Variants in TSC1 observed in about 807,000 individuals in gnomAD.
TSC1 encodes the protein TSC complex subunit 1, also known as hamartin.
In TSC1, 20 loss-of-function variants were observed where a neutral mutation model predicts 124.3. The observed-to-expected ratio is 0.16, with a 90% CI of 0.11 to 0.23. The LOEUF is 0.23. TSC1 is among the 10% of genes least tolerant of loss of function. TSC1 has a pLI of 1.00. For missense variants in TSC1, 1,124 were observed against 1,448.5 expected (o/e 0.78, Z 3.64); for synonymous variants, 493 against 539.1 (o/e 0.91, Z 1.19).
chr9:132,921,891 G>A lies in TSC1; in HGVS notation c.591C>T (p.Cys197=), dbSNP rs1588347154. The A allele has an allele frequency of 6.2e-7, 1 of 1,614,184 alleles. No homozygotes were observed. The highest frequency in any genetic ancestry group is 8.5e-7 in the Non-Finnish European group (1 of 1,180,030). The change falls in exon 7 of 23, where the codon TGC becomes TGT. Residue 197 remains cysteine (C), a synonymous_variant. Transcript: ENST00000298552. This position sits in a 1 kb window ranked among gnomAD's most constrained non-coding sequence, Gnocchi z 4.3. ...GAGAACGCAAAAAGGAGACGAAGTT[G>A]CAAGGGTACATTCCATAAAGGCGAT... is the stretch of plus-strand genomic sequence containing the variant. The part of the protein sequence containing the change: ...LFHRLYGMYP[C]NFVSFLRSHY...
rs1020289090 is a variant in TSC1, at chr9:132,944,592, C to T, written c.-193G>A. The T allele has an allele frequency of 5.0e-6, 2 of 398,960 alleles. No individual in the cohort carries two copies. Among genetic ancestry groups the T allele is most frequent in the Non-Finnish European group, 8.8e-6 (2 of 226,334 alleles). The allele number at this position is 398,960 out of a possible 1,614,324, so 24.7% of individuals were successfully genotyped here. A position where few individuals can be genotyped will look rare whatever the true frequency, so the allele number is the denominator to read the frequency against. On this transcript the variant is annotated 5_prime_UTR_variant, in exon 1 of 23. Coordinates refer to ENST00000298552, the MANE Select transcript of TSC1 (RefSeq NM_000368.5). Reference sequence around the variant, plus strand: ...TTTACCTCACAGTCCCTCCAGCCTACAGGGCGCCGCCATCTTGGACGTACA... The same window carrying T: ...TTTACCTCACAGTCCCTCCAGCCTATAGGGCGCCGCCATCTTGGACGTACA...
At position 132,895,584 on chromosome 9, in the gene TSC1, G is replaced by C. The variant is rs369911288; in HGVS notation, c.*651C>G. On this transcript the variant is annotated 3_prime_UTR_variant, in exon 23 of 23. Coordinates refer to ENST00000298552, the MANE Select transcript of TSC1 (RefSeq NM_000368.5). Reference sequence around the variant, plus strand: ...TCCACAGTGCCAGCTCCAGATTTCTGAAACAGGCTTCTGTTTACACAGAAC... The same window carrying C: ...TCCACAGTGCCAGCTCCAGATTTCTCAAACAGGCTTCTGTTTACACAGAAC... 12 of 234,586 alleles carry C rather than the reference G, an allele frequency of 5.1e-5. No individual in the cohort carries two copies. The South Asian group carries it at 9.0e-4, about 18-fold the overall frequency. 14.5% of individuals were successfully genotyped at this position (234,586 alleles called of 1,614,324 possible). A position where few individuals can be genotyped will look rare whatever the true frequency, so the allele number is the denominator to read the frequency against.
chr9:132,939,723 A>C (rs189844046), intron 1 of TSC1, among the ~76,000 whole-genome samples: 1 of 152,242 alleles, frequency 6.6e-6, no homozygotes, highest in African/African-American at 2.4e-5. Context: ...AAACTGTGAG[A>C]TATCTTTAGG....
chr9:132,935,861 T>TA (rs1847431777), intron 1 of TSC1, among the ~76,000 whole-genome samples: 1 of 152,224 alleles, frequency 6.6e-6, no homozygotes. Flanking sequence ...GAAGACCTCC[T>TA]AGGCCTCTAC....
In TSC1 at chr9:132,894,295, G is replaced by A. The variant is rs892490854; in HGVS notation, c.*1940C>T. On this transcript the variant is annotated 3_prime_UTR_variant, in exon 23 of 23. Transcript: ENST00000298552. ...AAAGGCTTTAAGTGCCTGGTATCTTGTTCTATGGCACAGATCTCTTGGGCA... is the reference window on the plus strand; with the variant it reads ...AAAGGCTTTAAGTGCCTGGTATCTTATTCTATGGCACAGATCTCTTGGGCA... The A allele has an allele frequency of 8.7e-6, 2 of 231,208 alleles. No homozygotes were observed. The highest frequency in any genetic ancestry group is 1.1e-4 in the Admixed American group (2 of 17,720). The allele number at this position is 231,208 out of a possible 1,614,324, so 14.3% of individuals were successfully genotyped here. A position where few individuals can be genotyped will look rare whatever the true frequency, so the allele number is the denominator to read the frequency against.
Position 132,923,922 on chromosome 9 carries a change from A to C in TSC1, c.364-430T>G, listed in dbSNP as rs1219597382. On this transcript the variant is annotated intron_variant, in intron 5 of 22. Transcript: ENST00000298552. The surrounding 1 kb of genome is among the most constrained non-coding windows in gnomAD (Gnocchi z 4.2). ...TTACTTTTTGTTAATTAAAAAAAAA[A>C]AAAACTGCACATTGACAAGTAACTT... Among the ~76,000 whole-genome samples, 1 of 152,160 alleles carries C rather than the reference A, an allele frequency of 6.6e-6. No homozygotes were observed. The highest frequency in any genetic ancestry group is 1.5e-5 in the Non-Finnish European group (1 of 68,022).
intron 8 of TSC1, 80 bp from the exon 9 acceptor site, chr9:132,912,537 G>C: frequency 4.6e-6 from 7 of 1,536,538 alleles, no homozygotes; most frequent in Non-Finnish European, 6.3e-6. Context: ...CTCAGTGCCA[G>C]CCACGGAACT....
rs2131871017 is a variant in TSC1, at chr9:132,906,878, T to A, written c.1334-43A>T. On this transcript the variant is annotated intron_variant, in intron 13 of 22. Transcript: ENST00000298552. The surrounding 1 kb of genome is among the most constrained non-coding windows in gnomAD (Gnocchi z 4.1). ...CAACTGAAGTCAAAGAAATACAGTG[T>A]AATCCCTGTAAGTGTAAAACTGCTT... The A allele has an allele frequency of 6.7e-7, 1 of 1,493,656 alleles. No individual in the cohort carries two copies. Among genetic ancestry groups the A allele is most frequent in the Non-Finnish European group, 9.3e-7 (1 of 1,071,756 alleles). The allele number at this position is 1,493,656 out of a possible 1,614,324, so 92.5% of individuals were successfully genotyped here.
At chr9:132,938,696 C>G (rs1043324601) in intron 1 of TSC1, among the ~76,000 whole-genome samples, 1 of 152,156 alleles carries the variant, frequency 6.6e-6, no homozygotes, top group Admixed American at 6.5e-5. Flanking sequence ...TTTCACATAT[C>G]TCTGCCCTAG....
chr9:132,918,433 G>A (rs1047033427), intron 8 of TSC1, among the ~76,000 whole-genome samples: 2 of 152,120 alleles, frequency 1.3e-5, no homozygotes, highest in African/African-American at 4.8e-5. Context: ...TGGAGGAGCA[G>A]TCACAACCCC....
upstream of TSC1, chr9:132,944,781 T>G (rs1252792103): frequency 2.5e-6 from 1 of 395,522 alleles, no homozygotes; most frequent in Admixed American, 4.4e-5. Flanking sequence ...ACGATGTGGG[T>G]TGGACGAGAA....
rs58163733 is a variant in TSC1, at chr9:132,930,587, CA to C, written c.-80-1636del. Among the ~76,000 whole-genome samples, 292 of 45,238 alleles carry C rather than the reference CA, an allele frequency of 6.5e-3. 1 individual carries two copies. Among genetic ancestry groups the C allele is most frequent in the Non-Finnish European group, 9.3e-3 (247 of 26,530 alleles). 29.7% of individuals were successfully genotyped at this position (45,238 alleles called of 152,430 possible). ...TGGGCAACAAAGCAAGACTCTGCCT[CA>C]AAAAAAAAAAAAAAAAAAAAAAAAG... On this transcript the variant is annotated intron_variant, in intron 2 of 22. Transcript: ENST00000298552.
intron 1 of TSC1, chr9:132,939,193 T>A (rs1027178398): frequency 1.3e-5 from 2 of 152,230 alleles, no homozygotes; most frequent in African/African-American, 4.8e-5. Context: ...GGTAATATTC[T>A]ATCAAGTGAA....
At position 132,902,007 on chromosome 9, in the gene TSC1, A is replaced by T. The variant is rs1473495011; in HGVS notation, c.2392-308T>A. Reference sequence around the variant, plus strand: ...GAAAGATTCTGAATTTTCGAGGGAGACGCAGCGCCATCTGTTGGACACTCT... The same window carrying T: ...GAAAGATTCTGAATTTTCGAGGGAGTCGCAGCGCCATCTGTTGGACACTCT... On this transcript the variant is annotated intron_variant, in intron 18 of 22. Transcript: ENST00000298552. This position sits in a 1 kb window ranked among gnomAD's most constrained non-coding sequence, Gnocchi z 5.2. 3.3e-5 allele frequency: 11 copies of T among 334,642 alleles called. No homozygotes were observed. Among genetic ancestry groups the T allele is most frequent in the South Asian group, 2.2e-4 (5 of 22,952 alleles). 20.7% of individuals were successfully genotyped at this position (334,642 alleles called of 1,614,324 possible). A position where few individuals can be genotyped will look rare whatever the true frequency, so the allele number is the denominator to read the frequency against.
chr9:132,925,897 G>C, intron 4 of TSC1, 158 bp from the exon 5 acceptor site: 2 of 965,802 alleles, frequency 2.1e-6, no homozygotes, highest in East Asian at 5.2e-5. Flanking sequence ...TAAAAACCAC[G>C]TTAGCAAACA....
rs1844822327 is a variant in TSC1 at position 132,892,446 on chromosome 9, T to C, written c.*3789A>G. ...CCCTGGAGAGTGAAGGTGCAGCAGA[T>C]AGGTATACTGATTTGAGTCACTCCA... is the stretch of plus-strand genomic sequence containing the variant. On this transcript the variant is annotated 3_prime_UTR_variant, in exon 23 of 23. Transcript: ENST00000298552. The C allele has an allele frequency of 4.3e-6, 1 of 233,192 alleles. No individual in the cohort carries two copies. The highest frequency in any genetic ancestry group is 1.8e-4 in the South Asian group (1 of 5,540). 14.4% of individuals were successfully genotyped at this position (233,192 alleles called of 1,614,324 possible). A position where few individuals can be genotyped will look rare whatever the true frequency, so the allele number is the denominator to read the frequency against.
At chr9:132,900,331 G>GAA (rs36000704) in intron 20 of TSC1, 309 of 237,780 alleles carry the variant, frequency 1.3e-3, no homozygotes, top group South Asian at 1.7e-3. Context: ...ACATTAAAAG[G>GAA]AAAAAAAAAA....
intron 2 of TSC1, among the ~76,000 whole-genome samples, chr9:132,934,759 T>A (rs757583374): frequency 6.6e-6 from 1 of 152,214 alleles, no homozygotes; most frequent in African/African-American, 2.4e-5. Context: ...AAAATTGACA[T>A]GTTTGAACCC....
At position 132,894,057 on chromosome 9, in the gene TSC1, C is replaced by T. The variant is rs1844901527; in HGVS notation, c.*2178G>A. The T allele has an allele frequency of 4.3e-6, 1 of 233,472 alleles. No homozygotes were observed. Among genetic ancestry groups the T allele is most frequent in the African/African-American group, 2.2e-5 (1 of 45,338 alleles). The allele number at this position is 233,472 out of a possible 1,614,324, so 14.5% of individuals were successfully genotyped here. A position where few individuals can be genotyped will look rare whatever the true frequency, so the allele number is the denominator to read the frequency against. On this transcript the variant is annotated 3_prime_UTR_variant, in exon 23 of 23. Transcript: ENST00000298552. ...CACAGCCTCCTAGAACTCAAAGGCA[C>T]CTGAGCTTGGAGCCACATTTGTTAT...
Sources: gnomAD v4.1 joint callset for allele counts (sites outside exome capture counted in the v4.1 genomes callset) on GRCh38, gnomAD v4.1.1 for gene constraint, Gnocchi (gnomAD v3.1) non-coding constraint, MANE v1.5 for transcripts, NCBI Gene and HGNC (gene_info 2026-07-23, HGNC 2026-07-21) for gene names.